Variants in RAP1GAP2 observed in about 807,000 individuals in gnomAD.
RAP1GAP2 encodes RAP1 GTPase activating protein 2, also known as rap1 GTPase-activating protein 2.
In RAP1GAP2, 27 loss-of-function variants were observed where a neutral mutation model predicts 95.0. The observed-to-expected ratio is 0.28, with a 90% confidence interval of 0.21 to 0.39. The LOEUF (loss-of-function observed/expected upper bound fraction) is 0.39. RAP1GAP2 is among the 10% of genes least tolerant of loss of function. The pLI is 1.00. For missense variants in RAP1GAP2, 771 were observed against 970.0 expected (o/e 0.79, Z 2.72); for synonymous variants, 373 against 380.9 (o/e 0.98, Z 0.24).
chr17:2,889,889 A>ATATATATATATATATAT (rs1408426152), intron 2 of RAP1GAP2, among the ~76,000 whole-genome samples: 1 of 57,314 alleles, frequency 1.7e-5, no homozygotes, highest in African/African-American at 7.2e-5. Flanking sequence ...ATATATATAT[A>ATATATATATATATATAT]TTTTTTTTTT....
chr17:3,030,943 C>G lies in RAP1GAP2; in HGVS notation c.2129C>G (p.Pro710Arg), dbSNP rs754983165. 1.2e-6 allele frequency: 2 copies of G among 1,611,032 alleles called. No homozygotes were observed. Residue 710 changes from proline to arginine, a missense_variant, in exon 23 of 25, where the codon CCG (proline) becomes CGG (arginine). Coordinates refer to ENST00000254695, the MANE Select transcript of RAP1GAP2 (RefSeq NM_015085.5). Reference protein sequence around the residue: ...SPTDAKSRNSPRSNLKFRFDK... With the variant: ...SPTDAKSRNSRRSNLKFRFDK... ...TTAGATGCCAAAAGCAGAAACTCCC[C>G]GAGATCGAACCTGAAATTCCGCTTT...
rs1031265200 is a variant in RAP1GAP2, at chr17:2,797,499, G to A, written c.44+928G>A. ...GGAGAGGGCCCCGCGGGAGGTGGCC[G>A]GGGGGTGTCCCGGTGTGGAAAATGG... On this transcript the variant is annotated intron_variant, in intron 1 of 24. Transcript: ENST00000254695. This position sits in a 1 kb window ranked among gnomAD's most constrained non-coding sequence, Gnocchi z 5.6. Among the ~76,000 whole-genome samples the A allele has an allele frequency of 5.3e-5, 8 of 152,162 alleles. No homozygotes were observed. The highest frequency in any genetic ancestry group is 3.4e-3 in the Middle Eastern group (1 of 294).
chr17:3,028,568 A>G (rs1425778945), intron 22 of RAP1GAP2, among the ~76,000 whole-genome samples: 2 of 152,152 alleles, frequency 1.3e-5, no homozygotes, highest in African/African-American at 4.8e-5. Context: ...CAGCGAAGGG[A>G]TGTTGCAAAG....
chr17:2,889,744 A>G lies in RAP1GAP2; in HGVS notation c.81-15540A>G, dbSNP rs186938774. ...GTCGCCCAGGCTGGAGTGCAGTGGC[A>G]CGATCTCAGATCATTGCAACCTCTG... On this transcript the variant is annotated intron_variant, in intron 2 of 24. Coordinates refer to ENST00000254695, the MANE Select transcript of RAP1GAP2 (RefSeq NM_015085.5). Among the ~76,000 whole-genome samples, 1,333 of 139,748 alleles carry G rather than the reference A, an allele frequency of 9.5e-3. 25 individuals are homozygous for G. Among genetic ancestry groups the G allele is most frequent in the African/African-American group, 0.032 (1,187 of 36,996 alleles). 91.7% of individuals were successfully genotyped at this position (139,748 alleles called of 152,430 possible).
chr17:2,802,123 C>T (rs569702201), intron 2 of RAP1GAP2, among the ~76,000 whole-genome samples: 2 of 152,310 alleles, frequency 1.3e-5, no homozygotes, highest in South Asian at 4.1e-4. Context: ...GAATCGCCCT[C>T]CTTCCGAGGC....
chr17:2,904,446 T>C lies in RAP1GAP2; in HGVS notation c.81-838T>C, dbSNP rs1187870072. ...CTGTTTAGCTGCCTCTCTACCGTCCTAGCCCACATGGACTAAGTTAAGTTT... is the reference window on the plus strand; with the variant it reads ...CTGTTTAGCTGCCTCTCTACCGTCCCAGCCCACATGGACTAAGTTAAGTTT... On this transcript the variant is annotated intron_variant, in intron 2 of 24. Coordinates refer to ENST00000254695, the MANE Select transcript of RAP1GAP2 (RefSeq NM_015085.5). This position sits in a 1 kb window ranked among gnomAD's most constrained non-coding sequence, Gnocchi z 4.7. Among the ~76,000 whole-genome samples, 2 of 152,030 alleles carry C rather than the reference T, an allele frequency of 1.3e-5. No homozygotes were observed. Among genetic ancestry groups the C allele is most frequent in the African/African-American group, 4.8e-5 (2 of 41,384 alleles).
intron 3 of RAP1GAP2, among the ~76,000 whole-genome samples, chr17:2,928,160 C>T (rs968135209): frequency 1.3e-5 from 2 of 152,188 alleles, no homozygotes; most frequent in Non-Finnish European, 2.9e-5. Context: ...CTGATTTGGA[C>T]TTGCCCAATT....
intron 3 of RAP1GAP2, among the ~76,000 whole-genome samples, chr17:2,956,610 G>C (rs1184877688): frequency 6.6e-6 from 1 of 152,232 alleles, no homozygotes; most frequent in South Asian, 2.1e-4. Context: ...ATGACCTCCC[G>C]GCTTCGCGGT....
At chr17:2,883,209 A>G (rs1206500574) in intron 2 of RAP1GAP2, among the ~76,000 whole-genome samples, 1 of 152,182 alleles carries the variant, frequency 6.6e-6, no homozygotes, top group Non-Finnish European at 1.5e-5. Context: ...GGAGGGGCGC[A>G]TTTGAGGGCT....
At chr17:3,006,535 A>G (rs1235975786) in intron 16 of RAP1GAP2, among the ~76,000 whole-genome samples, 14 of 144,014 alleles carry the variant, frequency 9.7e-5, no homozygotes, top group Non-Finnish European at 2.0e-4. Context: ...CCGGGTTCAC[A>G]CCATACTCCT....
chr17:2,873,505 AAAAAAAG>A, intron 2 of RAP1GAP2, among the ~76,000 whole-genome samples: 1 of 147,752 alleles, frequency 6.8e-6, no homozygotes, highest in South Asian at 2.1e-4. Context: ...AAAAAAAAAA[AAAAAAAG>A]CAGCAGCAGC....
chr17:2,956,315 G>A (rs889903562), intron 3 of RAP1GAP2, among the ~76,000 whole-genome samples: 3 of 152,174 alleles, frequency 2.0e-5, no homozygotes, highest in African/African-American at 2.4e-5. Flanking sequence ...CTGGTAGGTC[G>A]GAGCTTTTTG....
At chr17:2,995,577 G>A (rs967771055) in intron 13 of RAP1GAP2, 111 bp downstream of exon 13, 53 of 1,430,738 alleles carry the variant, frequency 3.7e-5, no homozygotes, top group Non-Finnish European at 4.6e-5. Context: ...TCCCGTAGCC[G>A]GCCATTCGTT....
intron 11 of RAP1GAP2, among the ~76,000 whole-genome samples, chr17:2,987,478 A>G (rs2045595266): frequency 6.6e-6 from 1 of 151,822 alleles, no homozygotes; most frequent in African/African-American, 2.4e-5. Flanking sequence ...ATTCTGCCTC[A>G]GCTCCCTCGA....
intron 19 of RAP1GAP2, among the ~76,000 whole-genome samples, chr17:3,022,130 C>G (rs541104373): frequency 1.8e-4 from 27 of 152,356 alleles, no homozygotes; most frequent in Non-Finnish European, 2.6e-4. Flanking sequence ...TTCCCTTTCT[C>G]TGCATCCTCA....
chr17:2,786,748 C>T (rs111794606), intron 1 of RAP1GAP2, among the ~76,000 whole-genome samples: 4,483 of 151,602 alleles, frequency 0.03, 101 homozygotes, highest in Non-Finnish European at 0.05. Context: ...CGGATTCAAG[C>T]GACTCTCCTG....
rs546664011 is a variant in RAP1GAP2, at chr17:2,854,049, C to A, written c.81-51235C>A. ...GCCGAAAGGCGGGGATCCGCGCCGC[C>A]GTGGTGCTCATCGGACTCCTGCACA... On this transcript the variant is annotated intron_variant, in intron 2 of 24. Coordinates refer to ENST00000254695, the MANE Select transcript of RAP1GAP2 (RefSeq NM_015085.5). The A allele has an allele frequency of 5.5e-5, 54 of 985,214 alleles. No individual in the cohort carries two copies. In the Admixed American group the frequency reaches 2.7e-3, roughly 49 times the overall value. 61.0% of individuals were successfully genotyped at this position (985,214 alleles called of 1,614,324 possible). A position where few individuals can be genotyped will look rare whatever the true frequency, so the allele number is the denominator to read the frequency against.
chr17:2,845,439 C>A (rs1031820706), intron 2 of RAP1GAP2, among the ~76,000 whole-genome samples: 7 of 151,950 alleles, frequency 4.6e-5, no homozygotes, highest in Non-Finnish European at 1.0e-4. Flanking sequence ...ATGCACAAAT[C>A]TTCATTATAC....
chr17:2,945,847 T>G (rs1333631949), intron 3 of RAP1GAP2, among the ~76,000 whole-genome samples: 1 of 152,104 alleles, frequency 6.6e-6, no homozygotes, highest in African/African-American at 2.4e-5. Flanking sequence ...TGGAGTACAG[T>G]GGCACAATCT....
Sources: allele counts gnomAD v4.1 joint callset (sites outside exome capture counted in the v4.1 genomes callset), GRCh38; gene constraint gnomAD v4.1.1; non-coding constraint Gnocchi (gnomAD v3.1); transcripts MANE v1.5; gene names NCBI Gene and HGNC (gene_info 2026-07-23, HGNC 2026-07-21).